PARD3B: variants seen among roughly 807,000 people sequenced by gnomAD.
The protein encoded by PARD3B is par-3 family cell polarity regulator beta.
Under a neutral mutation model 130.2 loss-of-function variants are expected in PARD3B, and 103 were observed. The ratio of observed to expected loss-of-function variants is 0.79; its 90% CI spans 0.67 to 0.93. The LOEUF is 0.93. Among genes scored for constraint, PARD3B ranks in the 40% least tolerant of loss-of-function variants. The probability of loss-of-function intolerance (pLI) is 0.00; values close to 1 mark genes in which losing one functional copy is unlikely to be tolerated. For missense variants in PARD3B, 1,609 were observed against 1,499.2 expected (o/e 1.07, Z -1.21); for synonymous variants, 583 against 553.2 (o/e 1.05, Z -0.76).
chr2:205,435,973 T>G (rs1575016427), intron 19 of PARD3B, among the ~76,000 whole-genome samples: 1 of 152,220 alleles, frequency 6.6e-6, no homozygotes, highest in South Asian at 2.1e-4. Context: ...AGACAGAAAT[T>G]TATTTTCTCA....
At chr2:204,583,935 G>C (rs2032704638) in intron 1 of PARD3B, among the ~76,000 whole-genome samples, 1 of 152,254 alleles carries the variant, frequency 6.6e-6, no homozygotes. Flanking sequence ...GCTGCTGCCA[G>C]TGAGGGCCTG....
intron 10 of PARD3B, among the ~76,000 whole-genome samples, chr2:205,150,532 A>G (rs1306869629): frequency 6.6e-6 from 1 of 152,128 alleles, no homozygotes; most frequent in African/African-American, 2.4e-5. Flanking sequence ...AGGGACATTT[A>G]TTTCTAACAG....
intron 2 of PARD3B, among the ~76,000 whole-genome samples, chr2:204,703,903 C>T (rs1168180878): frequency 3.3e-5 from 5 of 151,774 alleles, no homozygotes; most frequent in Non-Finnish European, 4.4e-5. Flanking sequence ...TTTCTTGGCA[C>T]CTTAAAAATT....
At chr2:204,983,596 T>G (rs1186655427) in intron 3 of PARD3B, among the ~76,000 whole-genome samples, 1 of 152,174 alleles carries the variant, frequency 6.6e-6, no homozygotes, top group Admixed American at 6.5e-5. Context: ...CCATATTGAC[T>G]ATTGAAGTTA....
intron 3 of PARD3B, among the ~76,000 whole-genome samples, chr2:205,001,208 C>T (rs748557381): frequency 3.3e-5 from 5 of 152,150 alleles, no homozygotes; most frequent in Non-Finnish European, 7.4e-5. Context: ...AGGCTGGTCT[C>T]GAACTCCTGA....
At chr2:205,457,243 TTTAAG>T (rs1287820924) in intron 20 of PARD3B, among the ~76,000 whole-genome samples, 1 of 152,030 alleles carries the variant, frequency 6.6e-6, no homozygotes, top group Non-Finnish European at 1.5e-5. Flanking sequence ...GTTGGTCCAT[TTTAAG>T]TTATCAAATG....
rs1687453968 is a variant in PARD3B, at chr2:204,924,727, A to T, written c.223-40425A>T. Among the ~76,000 whole-genome samples the T allele has an allele frequency of 3.3e-5, 5 of 152,084 alleles. No individual in the cohort carries two copies. The South Asian group carries it at 1.0e-3, about 32-fold the overall frequency. ...TTTTGGGGAGCTTTAAATTTAATGT[A>T]AAAGTTGGAAGGTACACACATCTAA... On this transcript the variant is annotated intron_variant, in intron 2 of 22. Transcript: ENST00000406610.
At chr2:205,385,753 A>G (rs894652192) in intron 18 of PARD3B, among the ~76,000 whole-genome samples, 5 of 152,152 alleles carry the variant, frequency 3.3e-5, no homozygotes, top group East Asian at 1.9e-4. Context: ...CAGTCAGTGA[A>G]AAGCTCAATG....
In PARD3B at chr2:205,062,976, G is replaced by T. The variant is rs1700146090; in HGVS notation, c.504+15286G>T. 2.6e-5 allele frequency among the ~76,000 whole-genome samples: 4 copies of T among 152,076 alleles called. No individual in the cohort carries two copies. The South Asian group carries it at 8.3e-4, about 32-fold the overall frequency. On this transcript the variant is annotated intron_variant, in intron 4 of 22. Transcript: ENST00000406610. ...CTTTCATTTTAAATATAGTTGCAGT[G>T]GGGGTGAGGGAGGGGGTTTGCTTGG...
At chr2:204,552,437 T>C (rs907370700) in intron 1 of PARD3B, among the ~76,000 whole-genome samples, 20 of 152,118 alleles carry the variant, frequency 1.3e-4, no homozygotes, top group African/African-American at 4.1e-4. Context: ...AACAAAAATC[T>C]GGGCCATTTT....
chr2:204,843,542 A>G (rs1359411633), intron 2 of PARD3B, among the ~76,000 whole-genome samples: 1 of 152,018 alleles, frequency 6.6e-6, no homozygotes, highest in East Asian at 1.9e-4. Flanking sequence ...GGTTCACACC[A>G]TCACACCTGG....
intron 18 of PARD3B, among the ~76,000 whole-genome samples, chr2:205,344,194 T>TTGTGTG (rs1553681141): frequency 0.05 from 7,063 of 140,980 alleles, 303 homozygotes; most frequent in African/African-American, 0.11. Flanking sequence ...GTCAGTTGGT[T>TTGTGTG]TGTGTGTGTG....
chr2:204,788,877 T>C (rs2042100916), intron 2 of PARD3B, among the ~76,000 whole-genome samples: 2 of 152,224 alleles, frequency 1.3e-5, no homozygotes, highest in Admixed American at 1.3e-4. Flanking sequence ...TACAACATTA[T>C]GTATATTATA....
At chr2:204,616,446 A>G (rs1317375290) in intron 1 of PARD3B, among the ~76,000 whole-genome samples, 1 of 152,190 alleles carries the variant, frequency 6.6e-6, no homozygotes, top group East Asian at 1.9e-4. Context: ...TAGAGTGGCC[A>G]AGACCCAGGA....
chr2:205,052,214 G>A (rs999763875), intron 4 of PARD3B, among the ~76,000 whole-genome samples: 1 of 151,730 alleles, frequency 6.6e-6, no homozygotes, highest in African/African-American at 2.4e-5. Context: ...GTGTTTTAAT[G>A]ACTGTTTATG....
chr2:204,946,640 C>T (rs1333393505), intron 2 of PARD3B, among the ~76,000 whole-genome samples: 2 of 152,088 alleles, frequency 1.3e-5, no homozygotes, highest in African/African-American at 4.8e-5. Context: ...TCAGGGTTCT[C>T]CAGAGAAACT....
At chr2:205,414,458 C>G (rs1417272784) in intron 19 of PARD3B, among the ~76,000 whole-genome samples, 1 of 152,068 alleles carries the variant, frequency 6.6e-6, no homozygotes, top group Non-Finnish European at 1.5e-5. Flanking sequence ...TTTTATTAAT[C>G]AGTAGGAAAA....
Position 205,229,509 on chromosome 2 carries a change from A to G in PARD3B, c.2141-16269A>G, listed in dbSNP as rs570426436. 6.6e-6 allele frequency among the ~76,000 whole-genome samples: 1 copy of G among 152,250 alleles called. No individual in the cohort carries two copies. The highest frequency in any genetic ancestry group is 6.5e-5 in the Admixed American group (1 of 15,296). ...TTCCCTTATTTTCCCCCAAACACATAAAGCCTCTCTCTGTGTGCTGAGCCA... is the reference window on the plus strand; with the variant it reads ...TTCCCTTATTTTCCCCCAAACACATGAAGCCTCTCTCTGTGTGCTGAGCCA... On this transcript the variant is annotated intron_variant, in intron 15 of 22. Coordinates refer to ENST00000406610, the MANE Select transcript of PARD3B (RefSeq NM_001302769.2). This position sits in a 1 kb window ranked among gnomAD's most constrained non-coding sequence, Gnocchi z 5.2.
chr2:205,409,035 A>C (rs970803841), intron 19 of PARD3B, among the ~76,000 whole-genome samples: 1 of 152,168 alleles, frequency 6.6e-6, no homozygotes, highest in South Asian at 2.1e-4. Flanking sequence ...CCAGTTAATT[A>C]CTTTTAGATC....
Sources: allele counts gnomAD v4.1 joint callset (sites outside exome capture counted in the v4.1 genomes callset), GRCh38; gene constraint gnomAD v4.1.1; non-coding constraint Gnocchi (gnomAD v3.1); transcripts MANE v1.5; gene names NCBI Gene and HGNC (gene_info 2026-07-23, HGNC 2026-07-21).